PACSIN1: variants seen among roughly 807,000 people sequenced by gnomAD.
The protein encoded by PACSIN1 is protein kinase C and casein kinase substrate in neurons 1.
In PACSIN1, 15 loss-of-function variants were observed where a neutral mutation model predicts 59.5. That is an observed-to-expected ratio of 0.25 (90% CI 0.17 to 0.39). The LOEUF (loss-of-function observed/expected upper bound fraction) is 0.39, where lower values mean the gene tolerates loss of function less well. Among genes scored for constraint, PACSIN1 ranks in the 10% least tolerant of loss-of-function variants. PACSIN1 has a pLI of 1.00. For missense variants in PACSIN1, 420 were observed against 580.2 expected (o/e 0.72, Z 2.84); for synonymous variants, 210 against 220.6 (o/e 0.95, Z 0.42).
At position 34,490,566 on chromosome 6, in the gene PACSIN1, C is replaced by T. The variant is rs1766861345; in HGVS notation, c.-64+24296C>T. Among the ~76,000 whole-genome samples, 11 of 152,260 alleles carry T rather than the reference C, an allele frequency of 7.2e-5. 1 individual carries two copies. In the South Asian group the frequency reaches 2.3e-3, roughly 32 times the overall value. ...TGATGACCGAGCGCCGCCACCTGGCCTCTTCCTTCAGGATCCTGTCATCCG... is the reference window on the plus strand; with the variant it reads ...TGATGACCGAGCGCCGCCACCTGGCTTCTTCCTTCAGGATCCTGTCATCCG... On this transcript the variant is annotated intron_variant, in intron 1 of 9. Coordinates refer to ENST00000244458, the MANE Select transcript of PACSIN1 (RefSeq NM_020804.5).
At position 34,521,194 on chromosome 6, in the gene PACSIN1, C is replaced by T. The variant is rs189657599; in HGVS notation, c.-63-5049C>T. ...GTGATGAATGCCGTGCTGTGGATGC[C>T]GTGTCCGGTGGTGACGAGGGCTGTG... On this transcript the variant is annotated intron_variant, in intron 1 of 9. Transcript: ENST00000244458. The surrounding 1 kb of genome is among the most constrained non-coding windows in gnomAD (Gnocchi z 4.3). Among the ~76,000 whole-genome samples the T allele has an allele frequency of 1.2e-4, 18 of 152,232 alleles. No homozygotes were observed. In the East Asian group the frequency reaches 1.7e-3, roughly 15 times the overall value.
intron 1 of PACSIN1, among the ~76,000 whole-genome samples, chr6:34,497,339 A>G (rs918948808): frequency 3.9e-4 from 60 of 152,142 alleles, no homozygotes; most frequent in African/African-American, 1.4e-3. Flanking sequence ...TGTGTCAGGC[A>G]CTGTTCCAGG....
intron 1 of PACSIN1, among the ~76,000 whole-genome samples, chr6:34,478,970 C>G (rs1279573780): frequency 6.6e-6 from 1 of 152,106 alleles, no homozygotes; most frequent in African/African-American, 2.4e-5. Flanking sequence ...GCCAGAGCAA[C>G]AAGTGGGCAA....
At chr6:34,479,740 G>C (rs942612120) in intron 1 of PACSIN1, among the ~76,000 whole-genome samples, 4 of 152,112 alleles carry the variant, frequency 2.6e-5, no homozygotes, top group African/African-American at 9.7e-5. Flanking sequence ...ACAGGCAGGA[G>C]CCACCACACT....
At chr6:34,501,600 T>G (rs1288973372) in intron 1 of PACSIN1, among the ~76,000 whole-genome samples, 2 of 152,224 alleles carry the variant, frequency 1.3e-5, no homozygotes, top group African/African-American at 4.8e-5. Context: ...GCATTTTTTT[T>G]GATCAGTGAC....
At position 34,525,225 on chromosome 6, in the gene PACSIN1, G is replaced by T. The variant is rs1767462093; in HGVS notation, c.-63-1018G>T. ...GTCTGTGGTTCTTCTAAAAGGGAGG[G>T]AACAAAATATGTTTAGATGCCTGAG... On this transcript the variant is annotated intron_variant, in intron 1 of 9. Coordinates refer to ENST00000244458, the MANE Select transcript of PACSIN1 (RefSeq NM_020804.5). This position sits in a 1 kb window ranked among gnomAD's most constrained non-coding sequence, Gnocchi z 4.9. 6.6e-6 allele frequency among the ~76,000 whole-genome samples: 1 copy of T among 152,202 alleles called. No homozygotes were observed. The highest frequency in any genetic ancestry group is 1.5e-5 in the Non-Finnish European group (1 of 68,034).
At chr6:34,492,877 G>A (rs1766898541) in intron 1 of PACSIN1, among the ~76,000 whole-genome samples, 1 of 152,192 alleles carries the variant, frequency 6.6e-6, no homozygotes, top group Non-Finnish European at 1.5e-5. Context: ...CACTACCTGG[G>A]TGCAATATAT....
intron 1 of PACSIN1, among the ~76,000 whole-genome samples, chr6:34,487,647 G>A (rs1309514755): frequency 6.6e-6 from 1 of 152,192 alleles, no homozygotes; most frequent in Non-Finnish European, 1.5e-5. Flanking sequence ...AAGCTGGGGT[G>A]ACTCTTGAAC....
chr6:34,511,590 C>T (rs1767204048), intron 1 of PACSIN1, among the ~76,000 whole-genome samples: 1 of 152,144 alleles, frequency 6.6e-6, no homozygotes. Context: ...CATTTTCTAC[C>T]CCCGATCTTC....
chr6:34,517,226 A>G (rs774823134), intron 1 of PACSIN1, among the ~76,000 whole-genome samples: 39 of 152,154 alleles, frequency 2.6e-4, no homozygotes, highest in Non-Finnish European at 3.8e-4. Flanking sequence ...CAGCACTTCC[A>G]GACTCCAGCC....
rs1767546973 is a variant in PACSIN1, at chr6:34,529,338, A to G, written c.457-59A>G. ...TGGGCAGGGGAGGAGTTAATGGGTGACCATGTTTGCTGCTGGTCACAAATG... is the reference window on the plus strand; with the variant it reads ...TGGGCAGGGGAGGAGTTAATGGGTGGCCATGTTTGCTGCTGGTCACAAATG... On this transcript the variant is annotated intron_variant, in intron 4 of 9. Coordinates refer to ENST00000244458, the MANE Select transcript of PACSIN1 (RefSeq NM_020804.5). The surrounding 1 kb of genome is among the most constrained non-coding windows in gnomAD (Gnocchi z 6.3). 4 of 1,596,102 alleles carry G rather than the reference A, an allele frequency of 2.5e-6. No homozygotes were observed. The highest frequency in any genetic ancestry group is 3.4e-6 in the Non-Finnish European group (4 of 1,166,148).
chr6:34,505,239 T>C (rs1230802486), intron 1 of PACSIN1, among the ~76,000 whole-genome samples: 1 of 152,150 alleles, frequency 6.6e-6, no homozygotes, highest in Admixed American at 6.5e-5. Context: ...AAAGTGTCAT[T>C]TCTCTCTTTC....
At position 34,530,430 on chromosome 6, in the gene PACSIN1, C is replaced by G. The variant is rs1487752921; in HGVS notation, c.910-30C>G. On this transcript the variant is annotated intron_variant, in intron 7 of 9. Transcript: ENST00000244458. The surrounding 1 kb of genome is among the most constrained non-coding windows in gnomAD (Gnocchi z 4.4). ...GAAAGGTGCCTCAGGGCATAGTCCC[C>G]CAGCCTGACTGCTCCACTGGCCCCA... The G allele has an allele frequency of 1.3e-6, 2 of 1,597,748 alleles. No individual in the cohort carries two copies. Among genetic ancestry groups the G allele is most frequent in the Middle Eastern group, 1.7e-4 (1 of 5,974 alleles).
rs565199119 is a variant in PACSIN1, at chr6:34,500,302, A to G, written c.-63-25941A>G. Among the ~76,000 whole-genome samples the G allele has an allele frequency of 2.6e-5, 4 of 152,378 alleles. No individual in the cohort carries two copies. The South Asian group carries it at 8.3e-4, about 32-fold the overall frequency. On this transcript the variant is annotated intron_variant, in intron 1 of 9. Transcript: ENST00000244458. The stretch of plus-strand genomic sequence containing the variant: ...GTTTGGGAGGCTGCCTGATTCGCAA[A>G]TAAAAATAATAAAATTAAATTAAAA...
At chr6:34,502,632 A>T (rs1359405062) in intron 1 of PACSIN1, among the ~76,000 whole-genome samples, 1 of 151,378 alleles carries the variant, frequency 6.6e-6, no homozygotes, top group Non-Finnish European at 1.5e-5. Context: ...CACCCCGCTA[A>T]TTTTTTGCAT....
At chr6:34,477,380 A>G (rs2127241832) in intron 1 of PACSIN1, among the ~76,000 whole-genome samples, 1 of 152,138 alleles carries the variant, frequency 6.6e-6, no homozygotes, top group East Asian at 1.9e-4. Flanking sequence ...GAAAGAGAGA[A>G]AGAAAGAAAT....
At position 34,493,040 on chromosome 6, in the gene PACSIN1, C is replaced by T. The variant is rs536600973; in HGVS notation, c.-64+26770C>T. ...TAAGATGCCCTTTTAACACAGGCCT[C>T]AGTTGATCCCATATGGAGCGCTGGG... On this transcript the variant is annotated intron_variant, in intron 1 of 9. Coordinates refer to ENST00000244458, the MANE Select transcript of PACSIN1 (RefSeq NM_020804.5). Among the ~76,000 whole-genome samples, 10 of 152,306 alleles carry T rather than the reference C, an allele frequency of 6.6e-5. No individual in the cohort carries two copies. In the East Asian group the frequency reaches 1.4e-3, roughly 21 times the overall value.
chr6:34,473,661 G>A (rs1766602119), intron 1 of PACSIN1, among the ~76,000 whole-genome samples: 1 of 152,140 alleles, frequency 6.6e-6, no homozygotes, highest in Admixed American at 6.5e-5. Context: ...TCACTGAGGG[G>A]CCTAGGGCCA....
intron 1 of PACSIN1, among the ~76,000 whole-genome samples, chr6:34,512,721 G>A (rs1280938970): frequency 6.6e-6 from 1 of 152,222 alleles, no homozygotes; most frequent in Non-Finnish European, 1.5e-5. Context: ...GAGTACTTAC[G>A]ATCTCATCCT....
Sources: gnomAD v4.1 joint callset for allele counts (sites outside exome capture counted in the v4.1 genomes callset) on GRCh38, gnomAD v4.1.1 for gene constraint, Gnocchi (gnomAD v3.1) non-coding constraint, MANE v1.5 for transcripts, NCBI Gene and HGNC (gene_info 2026-07-23, HGNC 2026-07-21) for gene names.